The following MROH7 variants were observed in gnomAD, a reference collection of about 807,000 sequenced individuals.
MROH7 encodes the protein maestro heat like repeat family member 7.
MROH7 carries 113 observed loss-of-function variants against 129.2 expected under a neutral mutation model. The ratio of observed to expected loss-of-function variants is 0.87; its 90% CI spans 0.75 to 1.02. The LOEUF (loss-of-function observed/expected upper bound fraction) is 1.02, where lower values mean the gene tolerates loss of function less well. Among genes scored for constraint, MROH7 ranks in the 50% least tolerant of loss-of-function variants. The pLI is 0.00. For synonymous variants in MROH7, 655 were observed against 667.9 expected, an observed-to-expected ratio of 0.98 and a Z score of 0.30; for missense variants, 1,601 against 1,671.3, an observed-to-expected ratio of 0.96 and a Z score of 0.73.
Position 54,668,925 on chromosome 1 carries a change from AAAG to A in MROH7, c.1382_1384del (p.Lys461del), listed in dbSNP as rs769002499. The A allele has an allele frequency of 1.2e-6, 2 of 1,612,608 alleles. No homozygotes were observed. Among genetic ancestry groups the A allele is most frequent in the Non-Finnish European group, 1.7e-6 (2 of 1,178,830 alleles). ...CAGAAGGAGAAAAGAAGACCATGAT[AAAG>A]AAGATTATGGTGGGGGAGCCACAGG... On this transcript the variant is annotated inframe_deletion, in exon 5 of 24. Coordinates refer to ENST00000421030, the MANE Select transcript of MROH7 (RefSeq NM_001039464.4).
intron 1 of MROH7, among the ~76,000 whole-genome samples, chr1:54,645,655 C>CT (rs60788847): frequency 0.18 from 22,805 of 123,866 alleles, 2,560 homozygotes; most frequent in East Asian, 0.36. Flanking sequence ...TTCTTTCTTT[C>CT]TTTTTTTTTT....
At chr1:54,663,969 T>G (rs1644774332) in intron 3 of MROH7, 2 of 332,340 alleles carry the variant, frequency 6.0e-6, no homozygotes, top group Admixed American at 8.8e-5. Context: ...TAGGCCCCAG[T>G]GACCTTGTCC....
chr1:54,678,731 T>G lies in MROH7; in HGVS notation c.1937-11T>G. ...AGATCCGGCCTCACTGAGAAGGTTC[T>G]CATCTTGCAGGAGCCAGAGATAAGG... On this transcript the variant is annotated splice_polypyrimidine_tract_variant and intron_variant, in intron 10 of 23. Transcript: ENST00000421030. 6.3e-7 allele frequency: 1 copy of G among 1,599,854 alleles called. No individual in the cohort carries two copies. Among genetic ancestry groups the G allele is most frequent in the Non-Finnish European group, 8.6e-7 (1 of 1,167,208 alleles).
chr1:54,673,736 T>TGAGCGAGCACGGGCTGTGAACAC lies in MROH7; in HGVS notation c.1732_1754dup (p.Asn586SerfsTer6). On this transcript the variant is annotated frameshift_variant, in exon 9 of 24. Coordinates refer to ENST00000421030, the MANE Select transcript of MROH7 (RefSeq NM_001039464.4). LOFTEE classifies it high-confidence loss of function. Reference sequence around the variant, plus strand: ...CTTGGATGAACTCTGGGAAGGCCCATGAGCGAGCACGGGCTGTGAACACCA... The same window carrying TGAGCGAGCACGGGCTGTGAACAC: ...CTTGGATGAACTCTGGGAAGGCCCATGAGCGAGCACGGGCTGTGAACACGAGCGAGCACGGGCTGTGAACACCA... 1.2e-6 allele frequency: 2 copies of TGAGCGAGCACGGGCTGTGAACAC among 1,614,172 alleles called. No individual in the cohort carries two copies. Among genetic ancestry groups the TGAGCGAGCACGGGCTGTGAACAC allele is most frequent in the South Asian group, 2.2e-5 (2 of 91,084 alleles).
intron 4 of MROH7, among the ~76,000 whole-genome samples, chr1:54,666,607 AT>A (rs72498938): frequency 6.8e-6 from 1 of 146,804 alleles, no homozygotes; most frequent in Non-Finnish European, 1.5e-5. Context: ...GCCCTGGGCT[AT>A]TTTTTTTTTA....
chr1:54,679,917 C>T lies in MROH7; in HGVS notation c.2253C>T (p.Tyr751=), dbSNP rs1303389077. 15 of 1,612,672 alleles carry T rather than the reference C, an allele frequency of 9.3e-6. No individual in the cohort carries two copies. Among genetic ancestry groups the T allele is most frequent in the Non-Finnish European group, 1.3e-5 (15 of 1,179,798 alleles). The change falls in exon 13 of 24, where the codon TAC becomes TAT. Residue 751 remains tyrosine, a synonymous_variant. Coordinates refer to ENST00000421030, the MANE Select transcript of MROH7 (RefSeq NM_001039464.4). ...EVIPEIMQGI[Y]MQLSHIQEPR... is the part of the protein sequence containing the mutation. Reference sequence around the variant, plus strand: ...TCCCAGAAATCATGCAAGGCATCTACATGCAGCTGAGCCACATCCAGGAGC... The same window carrying T: ...TCCCAGAAATCATGCAAGGCATCTATATGCAGCTGAGCCACATCCAGGAGC...
intron 14 of MROH7, among the ~76,000 whole-genome samples, chr1:54,684,684 A>G (rs1645119505): frequency 1.3e-5 from 2 of 152,250 alleles, no homozygotes; most frequent in South Asian, 4.1e-4. Flanking sequence ...CTGGAAAAGT[A>G]CAAGGGCTTT....
chr1:54,644,911 G>T (rs187309573), intron 1 of MROH7, among the ~76,000 whole-genome samples: 756 of 151,648 alleles, frequency 5.0e-3, no homozygotes, highest in Non-Finnish European at 7.0e-3. Flanking sequence ...CCAGATTCAA[G>T]CAATTCTCAT....
rs982279895 is a variant in MROH7 at position 54,653,473 on chromosome 1, T to TCCAG, written c.548_551dup (p.Arg184SerfsTer13). On this transcript the variant is annotated frameshift_variant, in exon 3 of 24. Coordinates refer to ENST00000421030, the MANE Select transcript of MROH7 (RefSeq NM_001039464.4). LOFTEE classifies it high-confidence loss of function. ...ATTAAACCCATTTATAAGGCACCAT[T>TCCAG]CCAGAGAAGGTCTGGTTCTGGGCCA... 2.5e-6 allele frequency: 4 copies of TCCAG among 1,614,024 alleles called. No homozygotes were observed. The African/African-American group carries it at 4.0e-5, about 16-fold the overall frequency.
intron 1 of MROH7, 54 bp downstream of exon 1, chr1:54,642,022 C>G (rs764113906): frequency 6.6e-6 from 1 of 152,156 alleles, no homozygotes; most frequent in African/African-American, 2.4e-5. Context: ...AGTTTAGGCT[C>G]TCAGGTCCTG....
intron 6 of MROH7, 25 bp from the exon 7 acceptor site, chr1:54,670,775 T>A (rs2101107928): frequency 6.2e-7 from 1 of 1,610,666 alleles, no homozygotes; most frequent in East Asian, 2.2e-5. Flanking sequence ...TCACTCCATT[T>A]CTTTGCTTTC....
At chr1:54,670,431 C>A in intron 5 of MROH7, 66 bp from the exon 6 acceptor site, 5 of 1,415,634 alleles carry the variant, frequency 3.5e-6, no homozygotes, top group South Asian at 1.2e-5. Context: ...GTGACGGGGG[C>A]AGCCTTGGCC....
In MROH7 at chr1:54,705,409, C is replaced by T. The variant is rs112439823; in HGVS notation, c.3565-1026C>T. Among the ~76,000 whole-genome samples, 1,489 of 152,206 alleles carry T rather than the reference C, an allele frequency of 9.8e-3. 20 individuals carry two copies. The highest frequency in any genetic ancestry group is 0.034 in the African/African-American group (1,403 of 41,504). ...AATGGCCCCTTCTCTTGGGGGAGCC[C>T]GAGATACAGTGGGGGGACATCAGTA... On this transcript the variant is annotated intron_variant, in intron 21 of 23. Transcript: ENST00000421030.
chr1:54,679,786 C>T (rs1645039424), intron 12 of MROH7, 105 bp from the exon 13 acceptor site: 1 of 1,150,536 alleles, frequency 8.7e-7, no homozygotes, highest in Non-Finnish European at 1.3e-6. Flanking sequence ...GCCTTCTCCC[C>T]TGTCCTCTAG....
chr1:54,695,481 C>T lies in MROH7; in HGVS notation c.2955C>T (p.Phe985=). Residue 985 remains phenylalanine (F), a synonymous_variant, in exon 17 of 24, where the codon TTC becomes TTT. Transcript: ENST00000421030. ...DEKHRITATA[F]FVELLQMEQV... The stretch of plus-strand genomic sequence containing the variant: ...AGCACAGGATCACGGCCACCGCCTT[C>T]TTCGTGGAGGTACCAACGGGGGCAG... 6.2e-7 allele frequency: 1 copy of T among 1,612,824 alleles called. No homozygotes were observed. The highest frequency in any genetic ancestry group is 8.5e-7 in the Non-Finnish European group (1 of 1,179,204).
At chr1:54,683,003 G>A (rs932415080) in intron 14 of MROH7, among the ~76,000 whole-genome samples, 1 of 150,932 alleles carries the variant, frequency 6.6e-6, no homozygotes, top group Non-Finnish European at 1.5e-5. Context: ...CAGCAGCCTG[G>A]GATATGGGAA....
intron 10 of MROH7, among the ~76,000 whole-genome samples, chr1:54,677,913 A>G (rs1410328874): frequency 6.6e-6 from 1 of 152,234 alleles, no homozygotes; most frequent in Non-Finnish European, 1.5e-5. Context: ...ATAAACAAGT[A>G]ACACATATAG....
rs114864580 is a variant in MROH7 at position 54,669,470 on chromosome 1, A to G, written c.1389+533A>G. 4.6e-3 allele frequency among the ~76,000 whole-genome samples: 694 copies of G among 152,304 alleles called. 5 individuals are homozygous for G. Among genetic ancestry groups the G allele is most frequent in the African/African-American group, 0.016 (667 of 41,558 alleles). On this transcript the variant is annotated intron_variant, in intron 5 of 23. Transcript: ENST00000421030. The stretch of plus-strand genomic sequence containing the variant: ...CCCTCCATACCTTCATTTAACTAAC[A>G]TTAATTGAACATCTGCTATGTGTAG...
chr1:54,684,053 G>A (rs1295268606), intron 14 of MROH7, among the ~76,000 whole-genome samples: 2 of 152,212 alleles, frequency 1.3e-5, no homozygotes, highest in Non-Finnish European at 2.9e-5. Flanking sequence ...CTGGCGCATA[G>A]TAAGCACTCA....
Sources: allele counts gnomAD v4.1 joint callset (sites outside exome capture counted in the v4.1 genomes callset), GRCh38; gene constraint gnomAD v4.1.1; transcripts MANE v1.5; gene names NCBI Gene and HGNC (gene_info 2026-07-23, HGNC 2026-07-21).